TMEM218: variants seen among roughly 807,000 people sequenced by gnomAD.
TMEM218 encodes the protein transmembrane protein 218.
Under a neutral mutation model 10.0 loss-of-function variants are expected in TMEM218, and 8 were observed. The observed-to-expected ratio is 0.80, with a 90% CI of 0.47 to 1.44. The LOEUF (loss-of-function observed/expected upper bound fraction) is 1.44. TMEM218 is among the 40% of genes most tolerant of loss of function. TMEM218 has a pLI of 0.00. For synonymous variants in TMEM218, 66 were observed against 63.5 expected, an observed-to-expected ratio of 1.04 and a Z score of -0.18; for missense variants, 110 against 140.1, an observed-to-expected ratio of 0.79 and a Z score of 1.08.
Position 125,094,958 on chromosome 11 carries a change from C to G in TMEM218, c.*2648G>C, listed in dbSNP as rs911542664. 2.0e-5 allele frequency among the ~76,000 whole-genome samples: 3 copies of G among 152,146 alleles called. No individual in the cohort carries two copies. The highest frequency in any genetic ancestry group is 4.4e-5 in the Non-Finnish European group (3 of 68,028). On this transcript the variant is annotated 3_prime_UTR_variant, in exon 5 of 5. Transcript: ENST00000682305. Reference sequence around the variant, plus strand: ...ATTCGAGAATGAATGGCTATGTACTCCCTAGTCCCTGGACATTGGTATGGT... The same window carrying G: ...ATTCGAGAATGAATGGCTATGTACTGCCTAGTCCCTGGACATTGGTATGGT...
At chr11:125,109,182 AT>A (rs1953029094) in intron 1 of TMEM218, among the ~76,000 whole-genome samples, 2 of 107,890 alleles carry the variant, frequency 1.9e-5, no homozygotes. Context: ...TGATGTGAAT[AT>A]ATCTCAAAAA....
At position 125,111,586 on chromosome 11, in the gene TMEM218, C is replaced by T. The variant is rs1169236044; in HGVS notation, c.-200G>A. 2.0e-5 allele frequency: 3 copies of T among 152,672 alleles called. No homozygotes were observed. The highest frequency in any genetic ancestry group is 2.9e-5 in the Non-Finnish European group (2 of 68,286). The allele number at this position is 152,672 out of a possible 1,614,324, so 9.5% of individuals were successfully genotyped here. A position where few individuals can be genotyped will look rare whatever the true frequency, so the allele number is the denominator to read the frequency against. ...CACTCTCCCCCAGGCTCTACTCACA[C>T]CTCAGATTCCGGCGCGTTCCAGCCC... On this transcript the variant is annotated 5_prime_UTR_variant, in exon 1 of 5. It adds an upstream start codon to the 5' untranslated region. Transcript: ENST00000682305.
In TMEM218 at chr11:125,096,332, G is replaced by A. The variant is rs1478494696; in HGVS notation, c.*1274C>T. ...ACAGAATTGAGGAGAGAAAGTGAAG[G>A]AACAGTGTGGCCTTAACCTACCTGA... On this transcript the variant is annotated 3_prime_UTR_variant, in exon 5 of 5. Coordinates refer to ENST00000682305, the MANE Select transcript of TMEM218 (RefSeq NM_001258244.2). 6.6e-6 allele frequency among the ~76,000 whole-genome samples: 1 copy of A among 152,100 alleles called. No homozygotes were observed. The highest frequency in any genetic ancestry group is 1.5e-5 in the Non-Finnish European group (1 of 68,018).
rs1949864393 is a variant in TMEM218 at position 125,097,760 on chromosome 11, A to G, written c.214-20T>C. The G allele has an allele frequency of 1.9e-6, 3 of 1,610,944 alleles. No homozygotes were observed. The highest frequency in any genetic ancestry group is 2.2e-5 in the East Asian group (1 of 44,856). ...CACAATCTGGAGAAAGAAAACATCAAAATGAAATTACTACCAGTTAGACAC... is the reference window on the plus strand; with the variant it reads ...CACAATCTGGAGAAAGAAAACATCAGAATGAAATTACTACCAGTTAGACAC... On this transcript the variant is annotated intron_variant, in intron 4 of 4. Transcript: ENST00000682305.
intron 1 of TMEM218, chr11:125,110,697 C>G (rs866272744): frequency 6.6e-6 from 1 of 152,200 alleles, no homozygotes; most frequent in Non-Finnish European, 1.5e-5. Context: ...AGTGCTGCTG[C>G]TGGAGGGAGA....
At chr11:125,102,478 A>G in intron 2 of TMEM218, 161 bp from the exon 3 acceptor site, 1 of 1,475,128 alleles carries the variant, frequency 6.8e-7, no homozygotes, top group Non-Finnish European at 8.9e-7. Context: ...TAGAACCCAA[A>G]GCCTTTCTCT....
intron 4 of TMEM218, among the ~76,000 whole-genome samples, chr11:125,099,510 T>C (rs1452572795): frequency 6.6e-6 from 1 of 152,198 alleles, no homozygotes; most frequent in Non-Finnish European, 1.5e-5. Context: ...GGTCTGAAAC[T>C]CATATGACAG....
At position 125,095,294 on chromosome 11, in the gene TMEM218, C is replaced by T. The variant is rs937875785; in HGVS notation, c.*2312G>A. 2.6e-5 allele frequency among the ~76,000 whole-genome samples: 4 copies of T among 152,162 alleles called. No homozygotes were observed. Among genetic ancestry groups the T allele is most frequent in the Non-Finnish European group, 4.4e-5 (3 of 68,026 alleles). On this transcript the variant is annotated 3_prime_UTR_variant, in exon 5 of 5. Transcript: ENST00000682305. ...CAGTAGAGGGAACATGTTCTAAGGC[C>T]ACTGATCACAGAATGGTTCTGAACA...
rs1191368642 is a variant in TMEM218 at position 125,095,757 on chromosome 11, C to T, written c.*1849G>A. On this transcript the variant is annotated 3_prime_UTR_variant, in exon 5 of 5. Coordinates refer to ENST00000682305, the MANE Select transcript of TMEM218 (RefSeq NM_001258244.2). ...TAGTTTCCAACCTTAATACACTTTCCTCCATCTAAATAGTCACCCAAAACC... is the reference window on the plus strand; with the variant it reads ...TAGTTTCCAACCTTAATACACTTTCTTCCATCTAAATAGTCACCCAAAACC... Among the ~76,000 whole-genome samples the T allele has an allele frequency of 6.6e-6, 1 of 152,092 alleles. No homozygotes were observed. Among genetic ancestry groups the T allele is most frequent in the African/African-American group, 2.4e-5 (1 of 41,410 alleles).
chr11:125,104,312 T>C (rs1326655838), intron 1 of TMEM218: 1 of 152,242 alleles, frequency 6.6e-6, no homozygotes, highest in Non-Finnish European at 1.5e-5. Context: ...TTTCCCCATC[T>C]CTGGGTCTTT....
intron 3 of TMEM218, 146 bp downstream of exon 3, chr11:125,101,986 G>A (rs917267574): frequency 8.5e-6 from 8 of 939,842 alleles, no homozygotes; most frequent in Admixed American, 7.2e-5. Flanking sequence ...CACAGTTAGT[G>A]TTTATAAAAA....
chr11:125,097,714 G>C lies in TMEM218; in HGVS notation c.240C>G (p.Arg80=). 1 of 1,613,882 alleles carries C rather than the reference G, an allele frequency of 6.2e-7. No homozygotes were observed. The highest frequency in any genetic ancestry group is 8.5e-7 in the Non-Finnish European group (1 of 1,179,924). ...VKIVDDFFIG[R]YVLLAFLSAI... Reference sequence around the variant, plus strand: ...CACTAAGGAAAGCCAGCAGGACATAGCGGCCAATGAAAAAGTCATCCACAA... The same window carrying C: ...CACTAAGGAAAGCCAGCAGGACATACCGGCCAATGAAAAAGTCATCCACAA... Residue 80 remains arginine, a synonymous_variant, in exon 5 of 5, where the codon CGC becomes CGG. Coordinates refer to ENST00000682305, the MANE Select transcript of TMEM218 (RefSeq NM_001258244.2).
rs114170743 is a variant in TMEM218 at position 125,100,823 on chromosome 11, G to A, written c.213+378C>T. On this transcript the variant is annotated intron_variant, in intron 4 of 4. Transcript: ENST00000682305. ...GGATCTGCAGTTAGGAGCCCAGGCT[G>A]CCAGGAATGGGAACACTTCATCTCG... 2.8e-3 allele frequency among the ~76,000 whole-genome samples: 429 copies of A among 152,252 alleles called. 2 individuals are homozygous for A. Among genetic ancestry groups the A allele is most frequent in the African/African-American group, 9.9e-3 (410 of 41,544 alleles).
chr11:125,109,769 AAAC>A (rs1467471129), intron 1 of TMEM218, among the ~76,000 whole-genome samples: 1 of 152,244 alleles, frequency 6.6e-6, no homozygotes, highest in Non-Finnish European at 1.5e-5. Context: ...GCTCTTAAGA[AAAC>A]AACTATTTAA....
chr11:125,107,815 A>ATC (rs1952605655), intron 1 of TMEM218, among the ~76,000 whole-genome samples: 1 of 150,302 alleles, frequency 6.7e-6, no homozygotes, highest in African/African-American at 2.4e-5. Flanking sequence ...ATATATATAT[A>ATC]TCTGCATAAA....
chr11:125,104,434 C>T (rs1237955534), intron 1 of TMEM218: 1 of 152,272 alleles, frequency 6.6e-6, no homozygotes, highest in Admixed American at 6.5e-5. Flanking sequence ...TGTCACTCTT[C>T]AGTGAGGTCT....
Position 125,095,262 on chromosome 11 carries a change from T to A in TMEM218, c.*2344A>T, listed in dbSNP as rs1170267011. On this transcript the variant is annotated 3_prime_UTR_variant, in exon 5 of 5. Coordinates refer to ENST00000682305, the MANE Select transcript of TMEM218 (RefSeq NM_001258244.2). ...AGTCTGCCACAGGATCCCCTCTGGG[T>A]AGGGAACAGTAGAGGGAACATGTTC... is the stretch of plus-strand genomic sequence containing the variant. Among the ~76,000 whole-genome samples the A allele has an allele frequency of 1.3e-5, 2 of 152,148 alleles. No homozygotes were observed. The highest frequency in any genetic ancestry group is 6.5e-5 in the Admixed American group (1 of 15,286).
intron 3 of TMEM218, 116 bp downstream of exon 3, chr11:125,102,012 CTCAT>C (rs1188255273): frequency 1.7e-6 from 2 of 1,163,916 alleles, no homozygotes; most frequent in African/African-American, 3.2e-5. Flanking sequence ...TAAAATGCAA[CTCAT>C]TCAAACTGCC....
intron 1 of TMEM218, chr11:125,103,581 A>G (rs963554197): frequency 1.3e-5 from 2 of 152,114 alleles, no homozygotes; most frequent in African/African-American, 4.8e-5. Context: ...TTGTCATTGG[A>G]TTTAGGGTCT....
Sources: allele counts gnomAD v4.1 joint callset (sites outside exome capture counted in the v4.1 genomes callset), GRCh38; gene constraint gnomAD v4.1.1; transcripts MANE v1.5; gene names NCBI Gene and HGNC (gene_info 2026-07-23, HGNC 2026-07-21).